Variants in IGF2R observed in about 807,000 individuals in gnomAD.
IGF2R encodes cation-independent mannose-6-phosphate receptor.
IGF2R carries 91 observed loss-of-function variants against 270.6 expected under a neutral mutation model. The ratio of observed to expected loss-of-function variants is 0.34; its 90% confidence interval spans 0.28 to 0.40. The LOEUF (loss-of-function observed/expected upper bound fraction) is 0.40. Ranked by LOEUF, IGF2R falls within the 10% of genes least tolerant of loss-of-function variation. The pLI, the probability that IGF2R is intolerant of heterozygous loss-of-function variation, is 1.00. For missense variants in IGF2R, 2,805 were observed against 3,188.3 expected (o/e 0.88, Z 2.90); for synonymous variants, 1,316 against 1,258.9 (o/e 1.05, Z -0.96).
intron 2 of IGF2R, 120 bp downstream of exon 2, chr6:159,991,443 AGT>A (rs1481989523): frequency 6.3e-6 from 5 of 791,906 alleles, no homozygotes; most frequent in Admixed American, 5.0e-5. Flanking sequence ...AGAAATCATA[AGT>A]GTTTATAATA....
At position 160,080,359 on chromosome 6, in the gene IGF2R, GC is replaced by G. The variant is rs1583296839; in HGVS notation, c.5833+88del. 3.8e-6 allele frequency: 5 copies of G among 1,324,962 alleles called. No individual in the cohort carries two copies. The East Asian group carries it at 7.1e-5, about 19-fold the overall frequency. 82.1% of individuals were successfully genotyped at this position (1,324,962 alleles called of 1,614,324 possible). ...GATTCACACTGAGACCTTTGTGGAT[GC>G]CCCAGTCAGTGGCAGGAATTCTCTT... is the stretch of plus-strand genomic sequence containing the variant. On this transcript the variant is annotated intron_variant, in intron 39 of 47. Coordinates refer to ENST00000356956, the MANE Select transcript of IGF2R (RefSeq NM_000876.4).
At chr6:159,974,473 TCA>T (rs1783658873) in intron 1 of IGF2R, among the ~76,000 whole-genome samples, 1 of 152,250 alleles carries the variant, frequency 6.6e-6, no homozygotes, top group Non-Finnish European at 1.5e-5. Context: ...GTGTTTTCTT[TCA>T]GTCTTTGCCT....
intron 37 of IGF2R, 136 bp from the exon 38 acceptor site, chr6:160,079,444 G>T: frequency 1.9e-6 from 1 of 537,876 alleles, no homozygotes; most frequent in Non-Finnish European, 2.9e-6. Context: ...CGATTGCGTG[G>T]CTCTGATGCA....
chr6:160,050,720 C>G lies in IGF2R; in HGVS notation c.2694+68C>G. On this transcript the variant is annotated intron_variant, in intron 19 of 47. Coordinates refer to ENST00000356956, the MANE Select transcript of IGF2R (RefSeq NM_000876.4). This position sits in a 1 kb window ranked among gnomAD's most constrained non-coding sequence, Gnocchi z 4.0. ...TTTGACTGAGCGTTGCCTTATGTGTCTCTTAACAGCAGCAGTCTTGGGGTG... is the reference window on the plus strand; with the variant it reads ...TTTGACTGAGCGTTGCCTTATGTGTGTCTTAACAGCAGCAGTCTTGGGGTG... 7.2e-7 allele frequency: 1 copy of G among 1,396,580 alleles called. No homozygotes were observed. 86.5% of individuals were successfully genotyped at this position (1,396,580 alleles called of 1,614,324 possible).
intron 10 of IGF2R, among the ~76,000 whole-genome samples, chr6:160,036,319 A>G (rs867952435): frequency 1.3e-5 from 2 of 151,964 alleles, no homozygotes; most frequent in Admixed American, 6.6e-5. Flanking sequence ...CTCCTTAGCC[A>G]TGTCTGCACC....
intron 10 of IGF2R, among the ~76,000 whole-genome samples, chr6:160,038,456 A>T (rs976759072): frequency 6.6e-6 from 1 of 152,270 alleles, no homozygotes; most frequent in African/African-American, 2.4e-5. Context: ...CTCTGCCTGC[A>T]GATTATTAGT....
At chr6:159,979,288 G>A (rs1171210518) in intron 1 of IGF2R, among the ~76,000 whole-genome samples, 1 of 152,112 alleles carries the variant, frequency 6.6e-6, no homozygotes, top group African/African-American at 2.4e-5. Context: ...CACTCCCTGC[G>A]CCCCACCCTG....
In IGF2R at chr6:160,063,415, G is replaced by A; in HGVS notation, c.3671G>A (p.Gly1224Glu). The change falls in exon 27 of 48, where the codon GGG becomes GAG. Residue 1224 changes from glycine to glutamate, a missense_variant and splice_region_variant. Around this residue, in one of 2 missense-constraint regions of IGF2R, gnomAD observed 1,851 missense variants for 2,207.2 expected, o/e 0.84. Transcript: ENST00000356956. Reference sequence around the variant, plus strand: ...CTTCACTTCTTCCATGTTCTTGAAGGGGACAACTGTGAGGTGAAAGACCCA... The same window carrying A: ...CTTCACTTCTTCCATGTTCTTGAAGAGGACAACTGTGAGGTGAAAGACCCA... ...VEACPVVRVE[G>E]DNCEVKDPRH... 1 of 1,610,644 alleles carries A rather than the reference G, an allele frequency of 6.2e-7. No individual in the cohort carries two copies. The highest frequency in any genetic ancestry group is 8.5e-7 in the Non-Finnish European group (1 of 1,178,452).
chr6:159,977,957 C>T (rs535356353), intron 1 of IGF2R, among the ~76,000 whole-genome samples: 2 of 152,202 alleles, frequency 1.3e-5, no homozygotes, highest in Admixed American at 1.3e-4. Flanking sequence ...AATTGGAAGA[C>T]ATTTGAATGC....
At position 160,068,460 on chromosome 6, in the gene IGF2R, C is replaced by G. The variant is rs960620346; in HGVS notation, c.4252+75C>G. On this transcript the variant is annotated intron_variant, in intron 30 of 47. Transcript: ENST00000356956. ...GGCCAGCACTGGTGAGAGGGGGCCT[C>G]CTCGTGGGGTGGTGGTTGTAGTGAG... The G allele has an allele frequency of 7.6e-6, 12 of 1,574,018 alleles. 1 individual carries two copies. Among genetic ancestry groups the G allele is most frequent in the Non-Finnish European group, 7.8e-6 (9 of 1,155,304 alleles).
chr6:160,008,987 C>T (rs1426186352), intron 2 of IGF2R, 23 bp from the exon 3 acceptor site: 9 of 1,612,234 alleles, frequency 5.6e-6, no homozygotes, highest in Non-Finnish European at 5.1e-6. Context: ...ATAGCCTGTT[C>T]ACTCTCTTTT....
intron 10 of IGF2R, among the ~76,000 whole-genome samples, chr6:160,038,593 A>C (rs1777875363): frequency 6.6e-6 from 1 of 152,188 alleles, no homozygotes; most frequent in African/African-American, 2.4e-5. Context: ...TGAAATGTGA[A>C]TCTAGTAGGA....
In IGF2R at chr6:159,969,097, G is replaced by C. The variant is rs972733201; in HGVS notation, c.-150G>C. On this transcript the variant is annotated 5_prime_UTR_variant, in exon 1 of 48. Transcript: ENST00000356956. ...GGCCGCCGCTGCCGCTGTCGCTGTCGCCGAGCCCAGTCGAGCCGCGCTCAC... is the reference window on the plus strand; with the variant it reads ...GGCCGCCGCTGCCGCTGTCGCTGTCCCCGAGCCCAGTCGAGCCGCGCTCAC... 6.5e-6 allele frequency: 2 copies of C among 305,606 alleles called. No individual in the cohort carries two copies. Among genetic ancestry groups the C allele is most frequent in the African/African-American group, 4.6e-5 (2 of 43,678 alleles). 18.9% of individuals were successfully genotyped at this position (305,606 alleles called of 1,614,324 possible). A position where few individuals can be genotyped will look rare whatever the true frequency, so the allele number is the denominator to read the frequency against.
intron 27 of IGF2R, 71 bp from the exon 28 acceptor site, chr6:160,064,330 C>G (rs1418134517): frequency 1.3e-6 from 2 of 1,570,898 alleles, no homozygotes; most frequent in Non-Finnish European, 8.8e-7. Flanking sequence ...TGTGGTGTCA[C>G]ATGTCTTAGG....
intron 2 of IGF2R, among the ~76,000 whole-genome samples, chr6:159,995,394 C>G (rs536618890): frequency 3.3e-5 from 5 of 151,640 alleles, no homozygotes; most frequent in Non-Finnish European, 7.4e-5. Flanking sequence ...GTTCACCAAT[C>G]TATATCTTTT....
At chr6:160,025,152 G>A (rs1044699513) in intron 5 of IGF2R, among the ~76,000 whole-genome samples, 1 of 152,210 alleles carries the variant, frequency 6.6e-6, no homozygotes, top group African/African-American at 2.4e-5. Flanking sequence ...CAAAACTGGT[G>A]TGAGAAGCTT....
Position 160,084,272 on chromosome 6 carries a change from T to G in IGF2R, c.6068+88T>G, listed in dbSNP as rs1363656636. ...GACGATGGTTGGCTCTTTTGGGTTC[T>G]CAAGATGGGAATACTATGCCCATGT... On this transcript the variant is annotated intron_variant, in intron 40 of 47. Coordinates refer to ENST00000356956, the MANE Select transcript of IGF2R (RefSeq NM_000876.4). The surrounding 1 kb of genome is among the most constrained non-coding windows in gnomAD (Gnocchi z 4.6). 3.9e-6 allele frequency: 3 copies of G among 779,128 alleles called. No individual in the cohort carries two copies. The highest frequency in any genetic ancestry group is 3.2e-5 in the South Asian group (2 of 62,562). The allele number at this position is 779,128 out of a possible 1,614,324, so 48.3% of individuals were successfully genotyped here.
At chr6:160,007,187 T>C (rs1784255765) in intron 2 of IGF2R, 1 of 152,258 alleles carries the variant, frequency 6.6e-6, no homozygotes, top group African/African-American at 2.4e-5. Flanking sequence ...TGAGATATTC[T>C]TTCACATTTT....
rs763419805 is a variant in IGF2R at position 160,102,099 on chromosome 6, C to T, written c.6843-420C>T. Reference sequence around the variant, plus strand: ...GGAGATGGTGTCTCATGGTGGGCTGCGCTCACTGCTTCCAGAAGAAATTCT... The same window carrying T: ...GGAGATGGTGTCTCATGGTGGGCTGTGCTCACTGCTTCCAGAAGAAATTCT... On this transcript the variant is annotated intron_variant, in intron 45 of 47. Transcript: ENST00000356956. The surrounding 1 kb of genome is among the most constrained non-coding windows in gnomAD (Gnocchi z 4.5). 3.3e-5 allele frequency among the ~76,000 whole-genome samples: 5 copies of T among 152,326 alleles called. No individual in the cohort carries two copies. Among genetic ancestry groups the T allele is most frequent in the Admixed American group, 2.0e-4 (3 of 15,308 alleles).
Sources: gnomAD v4.1 joint callset for allele counts (sites outside exome capture counted in the v4.1 genomes callset) on GRCh38, gnomAD v4.1.1 for gene constraint, gnomAD v4.1.1 regional missense constraint, Gnocchi (gnomAD v3.1) non-coding constraint, MANE v1.5 for transcripts, NCBI Gene and HGNC (gene_info 2026-07-23, HGNC 2026-07-21) for gene names.